CLIC4: variants seen among roughly 807,000 people sequenced by gnomAD.
CLIC4 encodes CLIC family member 4.
A neutral mutation model predicts 24.6 loss-of-function variants in CLIC4; 13 were observed. That is an observed-to-expected ratio of 0.53 (90% CI 0.34 to 0.84). The LOEUF (loss-of-function observed/expected upper bound fraction) is 0.84. Ranked by LOEUF, CLIC4 falls within the 40% of genes least tolerant of loss-of-function variation. The pLI, the probability that CLIC4 is intolerant of heterozygous loss-of-function variation, is 0.01. For missense variants in CLIC4, 227 were observed against 301.7 expected, an observed-to-expected ratio of 0.75 and a Z score of 1.83; for synonymous variants, 104 against 111.3, an observed-to-expected ratio of 0.93 and a Z score of 0.41.
At chr1:24,746,811 A>T (rs1246580575) in intron 1 of CLIC4, among the ~76,000 whole-genome samples, 1 of 152,092 alleles carries the variant, frequency 6.6e-6, no homozygotes, top group Non-Finnish European at 1.5e-5. Flanking sequence ...CCTGAACAAG[A>T]TGGCGAAACC....
intron 1 of CLIC4, among the ~76,000 whole-genome samples, chr1:24,761,613 T>C (rs1638928798): frequency 6.6e-6 from 1 of 152,146 alleles, no homozygotes; most frequent in Admixed American, 6.6e-5. Context: ...GAAATGGCAG[T>C]TCTCAGATGG....
At chr1:24,768,253 G>T (rs1639026975) in intron 1 of CLIC4, among the ~76,000 whole-genome samples, 1 of 152,134 alleles carries the variant, frequency 6.6e-6, no homozygotes, top group Admixed American at 6.5e-5. Flanking sequence ...CTGGGTAAAA[G>T]TACTTTTGAA....
chr1:24,789,132 C>T (rs1019210684), intron 1 of CLIC4, among the ~76,000 whole-genome samples: 1 of 152,150 alleles, frequency 6.6e-6, no homozygotes, highest in African/African-American at 2.4e-5. Context: ...ATGACTGTTT[C>T]TATAGAATAA....
chr1:24,764,735 C>A lies in CLIC4; in HGVS notation c.72+19110C>A, dbSNP rs1028864724. Among the ~76,000 whole-genome samples, 9 of 151,508 alleles carry A rather than the reference C, an allele frequency of 5.9e-5. No individual in the cohort carries two copies. In the South Asian group the frequency reaches 6.2e-4, roughly 10 times the overall value. On this transcript the variant is annotated intron_variant, in intron 1 of 5. Transcript: ENST00000374379. ...ATCTGGATTCCTGCCAAAATTGATT[C>A]TTTTGTCTTTTATTAAAAATAATCT...
intron 4 of CLIC4, among the ~76,000 whole-genome samples, chr1:24,835,675 G>A (rs1296610796): frequency 6.6e-6 from 1 of 152,176 alleles, no homozygotes; most frequent in Non-Finnish European, 1.5e-5. Context: ...CATTATCCTG[G>A]AAGTGGCAAC....
At chr1:24,789,350 T>C (rs1227695128) in intron 1 of CLIC4, among the ~76,000 whole-genome samples, 1 of 152,202 alleles carries the variant, frequency 6.6e-6, no homozygotes, top group African/African-American at 2.4e-5. Context: ...AAACCCTGTC[T>C]CTACTAAAAA....
intron 4 of CLIC4, among the ~76,000 whole-genome samples, chr1:24,836,867 A>G (rs143215379): frequency 6.6e-6 from 1 of 152,344 alleles, no homozygotes; most frequent in East Asian, 1.9e-4. Context: ...AGCTACAGCT[A>G]GAAAGTTTCT....
At chr1:24,754,427 G>A (rs1025796167) in intron 1 of CLIC4, among the ~76,000 whole-genome samples, 14 of 152,278 alleles carry the variant, frequency 9.2e-5, no homozygotes, top group East Asian at 1.9e-4. Flanking sequence ...TGGAGCCTCC[G>A]TGTTCTGATG....
intron 2 of CLIC4, among the ~76,000 whole-genome samples, chr1:24,809,295 G>T (rs1317342081): frequency 6.6e-6 from 1 of 152,010 alleles, no homozygotes; most frequent in Non-Finnish European, 1.5e-5. Context: ...TTGTTTCTTT[G>T]GTTGGAATGT....
intron 2 of CLIC4, among the ~76,000 whole-genome samples, chr1:24,799,704 G>T (rs1338756361): frequency 6.5e-5 from 9 of 137,498 alleles, no homozygotes; most frequent in South Asian, 2.3e-4. Flanking sequence ...GAGGTGGGGG[G>T]GTCAGCCCCC....
intron 1 of CLIC4, among the ~76,000 whole-genome samples, chr1:24,760,440 A>T (rs1638913599): frequency 6.6e-6 from 1 of 152,148 alleles, no homozygotes; most frequent in Non-Finnish European, 1.5e-5. Context: ...TTAGATACAA[A>T]GTCTTTGATC....
intron 1 of CLIC4, among the ~76,000 whole-genome samples, chr1:24,787,080 C>A (rs559769939): frequency 2.6e-5 from 4 of 152,248 alleles, no homozygotes; most frequent in East Asian, 1.9e-4. Context: ...AGCCACCACA[C>A]CTGGCTAATT....
At chr1:24,837,648 A>G (rs1055555643) in intron 4 of CLIC4, among the ~76,000 whole-genome samples, 2 of 152,216 alleles carry the variant, frequency 1.3e-5, no homozygotes, top group Non-Finnish European at 2.9e-5. Context: ...AATAAAATAT[A>G]CCAAATCCAG....
chr1:24,832,665 C>T (rs1639851617), intron 4 of CLIC4, among the ~76,000 whole-genome samples: 1 of 3,766 alleles, frequency 2.7e-4, no homozygotes, highest in African/African-American at 2.8e-4. Context: ...TGAAAAGTCT[C>T]CCATGTCTAC....
At chr1:24,828,741 ATAAC>A (rs1639812187) in intron 4 of CLIC4, among the ~76,000 whole-genome samples, 1 of 152,190 alleles carries the variant, frequency 6.6e-6, no homozygotes, top group Non-Finnish European at 1.5e-5. Flanking sequence ...TCATTTAAGT[ATAAC>A]TTTGTATTCT....
At chr1:24,832,027 A>G (rs939135862) in intron 4 of CLIC4, among the ~76,000 whole-genome samples, 2 of 152,084 alleles carry the variant, frequency 1.3e-5, no homozygotes, top group African/African-American at 4.8e-5. Flanking sequence ...TTTTCCTCTT[A>G]AATATACCCA....
chr1:24,768,565 T>G (rs1372191891), intron 1 of CLIC4, among the ~76,000 whole-genome samples: 6 of 152,210 alleles, frequency 3.9e-5, no homozygotes, highest in Non-Finnish European at 8.8e-5. Flanking sequence ...TATCTAAGAT[T>G]ATTGTTTTTA....
intron 2 of CLIC4, among the ~76,000 whole-genome samples, chr1:24,803,827 G>A (rs575568940): frequency 6.6e-6 from 1 of 152,196 alleles, no homozygotes; most frequent in African/African-American, 2.4e-5. Context: ...CTCTATCACT[G>A]ATTTCACTGG....
Position 24,806,078 on chromosome 1 carries a change from A to G in CLIC4, c.183-8016A>G, listed in dbSNP as rs191199452. Among the ~76,000 whole-genome samples the G allele has an allele frequency of 1.1e-3, 165 of 152,364 alleles. 1 individual carries two copies. Among genetic ancestry groups the G allele is most frequent in the Admixed American group, 0.011 (161 of 15,302 alleles). On this transcript the variant is annotated intron_variant, in intron 2 of 5. Transcript: ENST00000374379. Reference sequence around the variant, plus strand: ...TTGCTCTTGATGTCACGTAAGGGAAATATTTGAATGAGTTTTAATCAAGTG... The same window carrying G: ...TTGCTCTTGATGTCACGTAAGGGAAGTATTTGAATGAGTTTTAATCAAGTG...
Sources: gnomAD v4.1 joint callset for allele counts (sites outside exome capture counted in the v4.1 genomes callset) on GRCh38, gnomAD v4.1.1 for gene constraint, MANE v1.5 for transcripts, NCBI Gene and HGNC (gene_info 2026-07-23, HGNC 2026-07-21) for gene names.